The following STPG2 variants were observed in gnomAD, a reference collection of about 807,000 sequenced individuals.
STPG2 encodes sperm tail PG-rich repeat containing 2, also known as sperm-tail PG-rich repeat-containing protein 2.
Under a neutral mutation model 54.2 loss-of-function variants are expected in STPG2, and 56 were observed. The observed-to-expected ratio is 1.03, with a 90% CI of 0.83 to 1.29. STPG2 has a LOEUF of 1.29. Among genes scored for constraint, STPG2 ranks in the 50% most tolerant of loss-of-function variants. The pLI, the probability that STPG2 is intolerant of heterozygous loss-of-function variation, is 0.00. For missense variants in STPG2, 596 were observed against 544.9 expected (o/e 1.09, Z -0.93); for synonymous variants, 200 against 181.8 (o/e 1.10, Z -0.81).
intron 9 of STPG2, among the ~76,000 whole-genome samples, chr4:97,838,983 ACT>A (rs1393580724): frequency 1.3e-5 from 2 of 151,378 alleles, no homozygotes; most frequent in African/African-American, 2.4e-5. Flanking sequence ...AACATGATAA[ACT>A]CTTTTCATTT....
intron 8 of STPG2, among the ~76,000 whole-genome samples, chr4:97,921,772 G>A (rs139645339): frequency 1.0e-3 from 155 of 152,178 alleles, no homozygotes; most frequent in African/African-American, 3.3e-3. Context: ...CATCCAGATC[G>A]ACAAGGCTAA....
intron 4 of STPG2, among the ~76,000 whole-genome samples, chr4:97,449,579 T>C (rs1292870883): frequency 6.6e-6 from 1 of 152,194 alleles, no homozygotes; most frequent in Non-Finnish European, 1.5e-5. Flanking sequence ...CAGTATTCAT[T>C]TGAGTGCCTC....
At chr4:98,115,847 A>C (rs960345305) in intron 3 of STPG2, among the ~76,000 whole-genome samples, 2 of 152,008 alleles carry the variant, frequency 1.3e-5, no homozygotes, top group African/African-American at 4.8e-5. Context: ...TTGCCACGCT[A>C]TCTCTAGTTC....
rs1355728303 is a variant in STPG2 at position 97,478,879 on chromosome 4, G to GTC, written c.462+233819_462+233820insGA. 1.0e-4 allele frequency among the ~76,000 whole-genome samples: 8 copies of GTC among 77,572 alleles called. No individual in the cohort carries two copies. The East Asian group carries it at 2.5e-3, about 24-fold the overall frequency. The allele number at this position is 77,572 out of a possible 152,430, so 50.9% of individuals were successfully genotyped here. On this transcript the variant is annotated intron_variant, in intron 4 of 4. Coordinates refer to the STPG2 transcript ENST00000522676. ...CCTAGAAACCAAGCCAAATATGTGTGTGTGTGTGTGTGTGTGTGTGTGTGT... is the reference window on the plus strand; with the variant it reads ...CCTAGAAACCAAGCCAAATATGTGTGTCTGTGTGTGTGTGTGTGTGTGTGTGT...
At chr4:97,656,031 T>C (rs1366365193) in intron 10 of STPG2, among the ~76,000 whole-genome samples, 1 of 152,106 alleles carries the variant, frequency 6.6e-6, no homozygotes, top group Admixed American at 6.6e-5. Flanking sequence ...GATCTGTAAG[T>C]AGTGGTCACA....
intron 10 of STPG2, among the ~76,000 whole-genome samples, chr4:97,604,042 C>A (rs1191660667): frequency 6.6e-6 from 1 of 151,650 alleles, no homozygotes; most frequent in Admixed American, 6.6e-5. Context: ...CTCTCCATTT[C>A]TGAAAACTTT....
intron 9 of STPG2, among the ~76,000 whole-genome samples, chr4:97,797,937 C>T (rs886461000): frequency 2.6e-5 from 4 of 152,020 alleles, no homozygotes; most frequent in African/African-American, 4.8e-5. Flanking sequence ...TGTCCAGGAA[C>T]TTATCCATTT....
At chr4:97,992,333 C>T (rs1405205399) in intron 5 of STPG2, among the ~76,000 whole-genome samples, 7 of 152,126 alleles carry the variant, frequency 4.6e-5, no homozygotes, top group Admixed American at 4.6e-4. Flanking sequence ...CCAATTATCC[C>T]AGCACCATTT....
chr4:97,809,929 A>C (rs550681316), intron 9 of STPG2, among the ~76,000 whole-genome samples: 1 of 152,342 alleles, frequency 6.6e-6, no homozygotes, highest in African/African-American at 2.4e-5. Flanking sequence ...AGTATTTAAA[A>C]AAATAAAAAA....
intron 3 of STPG2, among the ~76,000 whole-genome samples, chr4:98,111,974 A>G (rs1739374495): frequency 6.6e-6 from 1 of 151,994 alleles, no homozygotes; most frequent in African/African-American, 2.4e-5. Flanking sequence ...CCTTGGACTA[A>G]GAGTTATACC....
intron 10 of STPG2, among the ~76,000 whole-genome samples, chr4:97,643,647 T>C (rs1721825300): frequency 4.0e-5 from 6 of 151,846 alleles, no homozygotes; most frequent in Admixed American, 2.0e-4. Flanking sequence ...CTTATTAATA[T>C]TAAATTGACT....
At chr4:97,798,299 T>C (rs1453187832) in intron 9 of STPG2, among the ~76,000 whole-genome samples, 7 of 152,182 alleles carry the variant, frequency 4.6e-5, no homozygotes, top group East Asian at 1.9e-4. Context: ...AGATCTTTCC[T>C]ACTTTCTCAT....
intron 8 of STPG2, among the ~76,000 whole-genome samples, chr4:97,929,527 C>A (rs977280651): frequency 9.9e-5 from 15 of 152,184 alleles, no homozygotes; most frequent in Non-Finnish European, 2.2e-4. Flanking sequence ...TCTGCAACCT[C>A]ACTAGAATCT....
intron 5 of STPG2, among the ~76,000 whole-genome samples, chr4:98,058,473 C>T (rs1197936489): frequency 1.3e-5 from 2 of 152,154 alleles, no homozygotes; most frequent in African/African-American, 4.8e-5. Flanking sequence ...AAGGACATTA[C>T]ATAATGGTAA....
chr4:97,725,877 A>C (rs1215259076), intron 9 of STPG2, among the ~76,000 whole-genome samples: 1 of 151,966 alleles, frequency 6.6e-6, no homozygotes, highest in Non-Finnish European at 1.5e-5. Flanking sequence ...GAAGTTTTTA[A>C]AATTCTAAAT....
At chr4:97,822,790 AC>A (rs542391705) in intron 9 of STPG2, among the ~76,000 whole-genome samples, 295 of 152,302 alleles carry the variant, frequency 1.9e-3, no homozygotes, top group African/African-American at 7.0e-3. Context: ...CAAGGATGGC[AC>A]CAAGCCATGA....
chr4:97,495,869 C>T (rs1423653769), intron 4 of STPG2, among the ~76,000 whole-genome samples: 1 of 151,462 alleles, frequency 6.6e-6, no homozygotes, highest in African/African-American at 2.4e-5. Context: ...AGCTTATTAA[C>T]ATCTGTATAT....
chr4:97,981,413 G>T, intron 5 of STPG2, 95 bp from the exon 6 acceptor site: 1 of 1,245,440 alleles, frequency 8.0e-7, no homozygotes, highest in Non-Finnish European at 1.1e-6. Flanking sequence ...ATAACATCTG[G>T]AGTTAATTTA....
chr4:97,816,961 ATTATATATT>A (rs1226913863), intron 9 of STPG2, among the ~76,000 whole-genome samples: 2 of 147,528 alleles, frequency 1.4e-5, no homozygotes, highest in African/African-American at 2.5e-5. Context: ...GAAAATATAT[ATTATATATT>A]TTATATATTA....
Sources: gnomAD v4.1 joint callset for allele counts (sites outside exome capture counted in the v4.1 genomes callset) on GRCh38, gnomAD v4.1.1 for gene constraint, MANE v1.5 for transcripts, NCBI Gene and HGNC (gene_info 2026-07-23, HGNC 2026-07-21) for gene names.